Variants in ZNF385D observed in about 807,000 individuals in gnomAD.
ZNF385D encodes zinc finger protein 659.
A neutral mutation model predicts 35.8 loss-of-function variants in ZNF385D; 15 were observed. The ratio of observed to expected loss-of-function variants is 0.42; its 90% CI spans 0.28 to 0.64. The LOEUF (loss-of-function observed/expected upper bound fraction) is 0.64, where lower values mean the gene tolerates loss of function less well. Ranked by LOEUF, ZNF385D falls within the 30% of genes least tolerant of loss-of-function variation. The pLI, the probability that ZNF385D is intolerant of heterozygous loss-of-function variation, is 0.23. For missense variants in ZNF385D, 474 were observed against 494.6 expected (o/e 0.96, Z 0.39); for synonymous variants, 212 against 186.8 (o/e 1.13, Z -1.10).
chr3:22,040,052 A>C (rs1456793356), intron 3 of ZNF385D, among the ~76,000 whole-genome samples: 5 of 152,220 alleles, frequency 3.3e-5, no homozygotes, highest in African/African-American at 9.6e-5. Flanking sequence ...CATTCGTACT[A>C]ACGGCCAAGT....
chr3:22,201,152 C>A (rs543264323), intron 2 of ZNF385D, among the ~76,000 whole-genome samples: 2 of 152,198 alleles, frequency 1.3e-5, no homozygotes, highest in South Asian at 2.1e-4. Flanking sequence ...TGTTTAGAGA[C>A]TGCAGTAAAG....
At chr3:22,046,623 C>A (rs986205031) in intron 3 of ZNF385D, among the ~76,000 whole-genome samples, 1 of 151,964 alleles carries the variant, frequency 6.6e-6, no homozygotes, top group South Asian at 2.1e-4. Context: ...TAAGCAATTG[C>A]AAATATATTG....
rs141761144 is a variant in ZNF385D, at chr3:22,099,281, A to G, written c.325+69536T>C. ...CATATATAAATACATCTATATGTAC[A>G]TACACTGTGAAAGTTGAGTAGATAA... On this transcript the variant is annotated intron_variant, in intron 3 of 5. Transcript: ENST00000494108. 6.7e-3 allele frequency among the ~76,000 whole-genome samples: 1,017 copies of G among 152,248 alleles called. 11 individuals carry two copies. Among genetic ancestry groups the G allele is most frequent in the African/African-American group, 0.024 (979 of 41,570 alleles).
At chr3:22,066,461 C>CGTGTGTGTGT (rs10627614) in intron 3 of ZNF385D, among the ~76,000 whole-genome samples, 3,099 of 98,128 alleles carry the variant, frequency 0.032, 267 homozygotes, top group African/African-American at 0.1. Context: ...GATGGTTCCC[C>CGTGTGTGTGT]GTGTGTGTGT....
intron 1 of ZNF385D, among the ~76,000 whole-genome samples, chr3:21,720,704 A>T (rs1460213997): frequency 6.6e-6 from 1 of 152,244 alleles, no homozygotes; most frequent in African/African-American, 2.4e-5. Context: ...TGGAGAAGTC[A>T]TCAAGGTCTT....
At chr3:21,888,874 A>G (rs1575844468) in intron 3 of ZNF385D, among the ~76,000 whole-genome samples, 1 of 152,356 alleles carries the variant, frequency 6.6e-6, no homozygotes, top group Non-Finnish European at 1.5e-5. Flanking sequence ...CTGTCTGACC[A>G]CCTGCTACAG....
At chr3:21,433,845 C>T (rs1701418850) in intron 5 of ZNF385D, among the ~76,000 whole-genome samples, 2 of 152,076 alleles carry the variant, frequency 1.3e-5, no homozygotes, top group South Asian at 4.1e-4. Flanking sequence ...ATTAAATTCG[C>T]AGATTTTTAT....
chr3:21,937,106 A>G (rs1399974519), intron 3 of ZNF385D, among the ~76,000 whole-genome samples: 1 of 152,214 alleles, frequency 6.6e-6, no homozygotes, highest in Non-Finnish European at 1.5e-5. Context: ...TGCTGCAAGA[A>G]AGAAAAAAAA....
At chr3:21,495,228 T>C (rs74460371) in intron 4 of ZNF385D, among the ~76,000 whole-genome samples, 2 of 139,930 alleles carry the variant, frequency 1.4e-5, no homozygotes, top group Non-Finnish European at 3.2e-5. Flanking sequence ...TAAGAATGAT[T>C]TTTTTTTTTT....
At chr3:21,817,201 T>A (rs972531419) in intron 3 of ZNF385D, among the ~76,000 whole-genome samples, 4 of 152,210 alleles carry the variant, frequency 2.6e-5, no homozygotes, top group Non-Finnish European at 4.4e-5. Flanking sequence ...GATTAAAGAC[T>A]TAAATGTTAG....
At chr3:22,075,685 A>G (rs1700429673) in intron 3 of ZNF385D, among the ~76,000 whole-genome samples, 1 of 151,850 alleles carries the variant, frequency 6.6e-6, no homozygotes, top group Non-Finnish European at 1.5e-5. Context: ...TTCTTTCCAA[A>G]GAAGTTTTGA....
intron 3 of ZNF385D, among the ~76,000 whole-genome samples, chr3:22,102,772 T>C (rs1345700572): frequency 6.6e-6 from 1 of 152,050 alleles, no homozygotes; most frequent in African/African-American, 2.4e-5. Flanking sequence ...TATTCCTTTC[T>C]GTGTTTTCCC....
chr3:21,433,267 G>GA (rs1701388564), intron 5 of ZNF385D, among the ~76,000 whole-genome samples: 1 of 152,080 alleles, frequency 6.6e-6, no homozygotes, highest in African/African-American at 2.4e-5. Context: ...TTCTAAGATT[G>GA]AAAAACATGT....
intron 3 of ZNF385D, among the ~76,000 whole-genome samples, chr3:21,841,912 ATATG>A (rs1211803360): frequency 2.6e-5 from 4 of 151,680 alleles, no homozygotes; most frequent in Non-Finnish European, 5.9e-5. Context: ...ATACATACAT[ATATG>A]TATATATACA....
At chr3:22,313,999 T>C (rs1449797359) in intron 2 of ZNF385D, among the ~76,000 whole-genome samples, 3 of 152,170 alleles carry the variant, frequency 2.0e-5, no homozygotes, top group Non-Finnish European at 4.4e-5. Context: ...TGTTGCAGAT[T>C]CCAGTCCTTC....
At chr3:21,866,703 T>G (rs604805) in intron 3 of ZNF385D, among the ~76,000 whole-genome samples, 68,759 of 152,000 alleles carry the variant, frequency 0.45, 15,860 homozygotes, top group African/African-American at 0.52. Flanking sequence ...TAACTTGTTT[T>G]GGCATAAATA....
intron 2 of ZNF385D, among the ~76,000 whole-genome samples, chr3:22,290,478 G>C (rs1215816358): frequency 6.6e-6 from 1 of 152,150 alleles, no homozygotes; most frequent in East Asian, 1.9e-4. Context: ...AGGGGACATA[G>C]CAAGGATCTC....
intron 3 of ZNF385D, among the ~76,000 whole-genome samples, chr3:21,939,494 C>G (rs969648058): frequency 5.3e-5 from 8 of 151,940 alleles, no homozygotes; most frequent in Non-Finnish European, 1.2e-4. Flanking sequence ...AAACCATCCA[C>G]CAATTATATA....
chr3:21,702,253 C>A (rs1020167906), intron 1 of ZNF385D, among the ~76,000 whole-genome samples: 4 of 152,208 alleles, frequency 2.6e-5, no homozygotes, highest in African/African-American at 9.6e-5. Context: ...CTTCTTTACA[C>A]CTGCAGGCTT....
Sources: gnomAD v4.1 joint callset for allele counts (sites outside exome capture counted in the v4.1 genomes callset) on GRCh38, gnomAD v4.1.1 for gene constraint, MANE v1.5 for transcripts, NCBI Gene and HGNC (gene_info 2026-07-23, HGNC 2026-07-21) for gene names.